ADGRL3: variants seen among roughly 807,000 people sequenced by gnomAD.
The protein encoded by ADGRL3 is calcium-independent alpha-latrotoxin receptor 3.
A neutral mutation model predicts 153.5 loss-of-function variants in ADGRL3; 62 were observed. The observed-to-expected ratio is 0.40, with a 90% CI of 0.33 to 0.50. ADGRL3 has a LOEUF of 0.50. ADGRL3 is among the 20% of genes least tolerant of loss of function. ADGRL3 has a pLI of 0.47. For synonymous variants in ADGRL3, 710 were observed against 672.5 expected (o/e 1.06, Z -0.86); for missense variants, 1,641 against 1,859.4 (o/e 0.88, Z 2.16).
intron 1 of ADGRL3, among the ~76,000 whole-genome samples, chr4:61,338,223 A>T (rs540576699): frequency 2.6e-5 from 4 of 151,812 alleles, no homozygotes; most frequent in African/African-American, 4.8e-5. Context: ...GTGAGCTGAG[A>T]TTATGCCACC....
At chr4:61,310,089 A>G (rs1354935963) in intron 1 of ADGRL3, among the ~76,000 whole-genome samples, 2 of 151,246 alleles carry the variant, frequency 1.3e-5, no homozygotes, top group African/African-American at 2.4e-5. Flanking sequence ...TTGAATTTCA[A>G]AAAGTCATGA....
At position 62,018,682 on chromosome 4, in the gene ADGRL3, C is replaced by T. The variant is rs142004118; in HGVS notation, c.3396-10173C>T. ...CCAGCTGGGATTGGCGTAGGAAGGACGGAATGCTGACTAGTGTGACCTCAT... is the reference window on the plus strand; with the variant it reads ...CCAGCTGGGATTGGCGTAGGAAGGATGGAATGCTGACTAGTGTGACCTCAT... On this transcript the variant is annotated intron_variant, in intron 21 of 26. Coordinates refer to ENST00000683033, the MANE Select transcript of ADGRL3 (RefSeq NM_001387552.1). Among the ~76,000 whole-genome samples, 1,247 of 152,198 alleles carry T rather than the reference C, an allele frequency of 8.2e-3. 7 individuals carry two copies. The highest frequency in any genetic ancestry group is 0.012 in the Non-Finnish European group (829 of 68,010).
At chr4:61,946,666 T>C (rs2098926153) in intron 15 of ADGRL3, among the ~76,000 whole-genome samples, 1 of 152,188 alleles carries the variant, frequency 6.6e-6, no homozygotes, top group Non-Finnish European at 1.5e-5. Context: ...AGGTGTATGA[T>C]CTATCTTAAA....
intron 2 of ADGRL3, among the ~76,000 whole-genome samples, chr4:61,402,992 T>C (rs1490630860): frequency 6.6e-6 from 1 of 151,936 alleles, no homozygotes; most frequent in Non-Finnish European, 1.5e-5. Context: ...GTTTCCAGCG[T>C]AGGCCCTCAT....
chr4:62,036,880 T>A (rs1477489201), intron 23 of ADGRL3, among the ~76,000 whole-genome samples: 1 of 152,044 alleles, frequency 6.6e-6, no homozygotes, highest in African/African-American at 2.4e-5. Flanking sequence ...TATTTTTATA[T>A]GCCTTGTTCA....
At chr4:61,838,800 T>C (rs1486647490) in intron 9 of ADGRL3, among the ~76,000 whole-genome samples, 1 of 152,210 alleles carries the variant, frequency 6.6e-6, no homozygotes, top group Non-Finnish European at 1.5e-5. Flanking sequence ...TATTTTTTAT[T>C]GCAGAGGAGG....
intron 8 of ADGRL3, among the ~76,000 whole-genome samples, chr4:61,753,936 C>T (rs1043642669): frequency 2.6e-5 from 4 of 152,134 alleles, no homozygotes; most frequent in African/African-American, 9.7e-5. Context: ...AATGGACTTG[C>T]CATCAGTCTT....
chr4:61,482,441 A>AT (rs1364196028), intron 2 of ADGRL3, among the ~76,000 whole-genome samples: 1 of 152,172 alleles, frequency 6.6e-6, no homozygotes, highest in Non-Finnish European at 1.5e-5. Flanking sequence ...GCCGGAGCCA[A>AT]ATATTAAACA....
intron 9 of ADGRL3, among the ~76,000 whole-genome samples, chr4:61,848,003 AATATATTATAT>A: frequency 9.0e-5 from 1 of 11,150 alleles, no homozygotes; most frequent in Non-Finnish European, 1.5e-4. Flanking sequence ...TATAATATAA[AATATATTATAT>A]ATATAATATA....
At chr4:61,396,540 A>G (rs1181203706) in intron 2 of ADGRL3, among the ~76,000 whole-genome samples, 1 of 151,954 alleles carries the variant, frequency 6.6e-6, no homozygotes, top group African/African-American at 2.4e-5. Flanking sequence ...ATTCAGTCGA[A>G]CTGAGGTGTT....
chr4:61,309,507 T>C (rs2094920733), intron 1 of ADGRL3, among the ~76,000 whole-genome samples: 1 of 152,174 alleles, frequency 6.6e-6, no homozygotes, highest in Non-Finnish European at 1.5e-5. Context: ...TCTATCATAC[T>C]AAAAAATCTA....
chr4:61,505,298 A>T (rs1302024777), intron 3 of ADGRL3, among the ~76,000 whole-genome samples: 3 of 151,920 alleles, frequency 2.0e-5, no homozygotes, highest in Non-Finnish European at 4.4e-5. Flanking sequence ...AATCAGATTG[A>T]TTTTTTTCCT....
At chr4:61,740,443 G>A (rs970603399) in intron 8 of ADGRL3, among the ~76,000 whole-genome samples, 2 of 152,128 alleles carry the variant, frequency 1.3e-5, no homozygotes, top group Non-Finnish European at 2.9e-5. Flanking sequence ...GGTTTTGACT[G>A]ACTTTCACCT....
At chr4:61,258,469 T>C (rs749856683) in intron 1 of ADGRL3, among the ~76,000 whole-genome samples, 1 of 152,198 alleles carries the variant, frequency 6.6e-6, no homozygotes, top group Non-Finnish European at 1.5e-5. Context: ...ACCTTGGAAA[T>C]GTTGCCTTCC....
chr4:61,952,683 A>G (rs1205838073), intron 17 of ADGRL3, among the ~76,000 whole-genome samples: 1 of 152,132 alleles, frequency 6.6e-6, no homozygotes, highest in Non-Finnish European at 1.5e-5. Context: ...AAATTGATCC[A>G]TCTTAGCAAG....
At chr4:61,718,066 A>C (rs548274778) in intron 6 of ADGRL3, among the ~76,000 whole-genome samples, 31 of 152,184 alleles carry the variant, frequency 2.0e-4, no homozygotes, top group Middle Eastern at 6.8e-3. Flanking sequence ...AAATAAAATA[A>C]AATACAATAC....
At position 62,071,057 on chromosome 4, in the gene ADGRL3, T is replaced by TA. The variant is rs1745513821; in HGVS notation, c.*151dup. On this transcript the variant is annotated 3_prime_UTR_variant, in exon 27 of 27. Coordinates refer to ENST00000683033, the MANE Select transcript of ADGRL3 (RefSeq NM_001387552.1). Reference sequence around the variant, plus strand: ...ACAAACTCTCAGACTTTTTTTTTTTTAATGGGATTTTTAGGTCAGCCCAGG... The same window carrying TA: ...ACAAACTCTCAGACTTTTTTTTTTTTAAATGGGATTTTTAGGTCAGCCCAGG... 1 of 692,310 alleles carries TA rather than the reference T, an allele frequency of 1.4e-6. No homozygotes were observed. The highest frequency in any genetic ancestry group is 3.1e-5 in the Admixed American group (1 of 32,588). 42.9% of individuals were successfully genotyped at this position (692,310 alleles called of 1,614,324 possible).
intron 1 of ADGRL3, among the ~76,000 whole-genome samples, chr4:61,374,993 C>G (rs1471200262): frequency 6.6e-6 from 1 of 151,904 alleles, no homozygotes; most frequent in East Asian, 1.9e-4. Context: ...ATGCCAGGTT[C>G]TTGTGTTTAG....
chr4:61,478,941 A>G (rs1369076050), intron 2 of ADGRL3, among the ~76,000 whole-genome samples: 1 of 152,052 alleles, frequency 6.6e-6, no homozygotes, highest in African/African-American at 2.4e-5. Context: ...AAAACTCTTA[A>G]GAGTTTCTTT....
Sources: gnomAD v4.1 joint callset for allele counts (sites outside exome capture counted in the v4.1 genomes callset) on GRCh38, gnomAD v4.1.1 for gene constraint, MANE v1.5 for transcripts, NCBI Gene and HGNC (gene_info 2026-07-23, HGNC 2026-07-21) for gene names.